Variants in SHTN1 observed in about 807,000 individuals in gnomAD.
SHTN1 encodes the protein shootin 1, also known as shootin-1.
In SHTN1, 42 loss-of-function variants were observed where a neutral mutation model predicts 83.1. The observed-to-expected ratio is 0.51, with a 90% confidence interval of 0.39 to 0.65. The LOEUF (loss-of-function observed/expected upper bound fraction) is 0.65. SHTN1 is among the 30% of genes least tolerant of loss of function. The probability of loss-of-function intolerance (pLI) is 0.00; values close to 1 mark genes in which losing one functional copy is unlikely to be tolerated. For synonymous variants in SHTN1, 224 were observed against 247.7 expected (o/e 0.90, Z 0.90); for missense variants, 622 against 737.8 (o/e 0.84, Z 1.82).
At chr10:117,103,662 C>G (rs1174338643) in intron 1 of SHTN1, among the ~76,000 whole-genome samples, 4 of 150,566 alleles carry the variant, frequency 2.7e-5, no homozygotes, top group Non-Finnish European at 4.4e-5. Flanking sequence ...CTCAGCCTCC[C>G]GAGAGCTGGG....
chr10:117,117,263 G>A lies in SHTN1; in HGVS notation c.-189+9044C>T, dbSNP rs116221069. Among the ~76,000 whole-genome samples the A allele has an allele frequency of 6.3e-3, 952 of 152,088 alleles. 11 individuals carry two copies. The highest frequency in any genetic ancestry group is 0.022 in the African/African-American group (920 of 41,514). ...ATCAATAGCATTAATATGCACCAAC[G>A]ACGAACAATCTGAAAAAGAAATCAA... On this transcript the variant is annotated intron_variant, in intron 1 of 17. Transcript: ENST00000392901.
At chr10:116,990,522 C>A (rs1257431761) in intron 1 of SHTN1, among the ~76,000 whole-genome samples, 3 of 152,072 alleles carry the variant, frequency 2.0e-5, no homozygotes, top group African/African-American at 7.2e-5. Context: ...GGAACATTCT[C>A]TTAATTGTCT....
intron 1 of SHTN1, among the ~76,000 whole-genome samples, chr10:117,087,091 G>T (rs1275208477): frequency 6.6e-6 from 1 of 152,168 alleles, no homozygotes; most frequent in Non-Finnish European, 1.5e-5. Flanking sequence ...GGTTACCAAG[G>T]TTACCAGGGT....
At chr10:116,956,487 A>G (rs1032303317) in intron 4 of SHTN1, among the ~76,000 whole-genome samples, 2 of 152,240 alleles carry the variant, frequency 1.3e-5, no homozygotes, top group African/African-American at 2.4e-5. Flanking sequence ...AGTAACTGCC[A>G]CACAGTAAAA....
intron 2 of SHTN1, among the ~76,000 whole-genome samples, chr10:117,017,984 C>T (rs1001740639): frequency 1.3e-5 from 2 of 152,098 alleles, no homozygotes; most frequent in Non-Finnish European, 2.9e-5. Context: ...ATACCTGCCC[C>T]ATAATCTTCG....
At chr10:117,068,677 C>T (rs571752677) in intron 1 of SHTN1, among the ~76,000 whole-genome samples, 2 of 151,338 alleles carry the variant, frequency 1.3e-5, no homozygotes, top group African/African-American at 4.9e-5. Flanking sequence ...TACTTAATGA[C>T]ATTAAATAAT....
At chr10:116,916,361 G>C (rs1157659524) in intron 12 of SHTN1, among the ~76,000 whole-genome samples, 1 of 152,164 alleles carries the variant, frequency 6.6e-6, no homozygotes, top group Non-Finnish European at 1.5e-5. Context: ...TCTAGGTCTT[G>C]TGTTTACTTC....
intron 8 of SHTN1, 73 bp from the exon 9 acceptor site, chr10:116,940,685 A>G (rs1463011067): frequency 4.1e-6 from 5 of 1,224,550 alleles, no homozygotes; most frequent in Admixed American, 2.7e-5. Context: ...CTTCAGCAAA[A>G]GAAAAGTACA....
chr10:116,949,257 C>A (rs1849692858), intron 6 of SHTN1, among the ~76,000 whole-genome samples: 1 of 151,950 alleles, frequency 6.6e-6, no homozygotes, highest in African/African-American at 2.4e-5. Context: ...TAACAGTATG[C>A]TAGCCATCCA....
rs986292538 is a variant in SHTN1 at position 116,883,190 on chromosome 10, C to A, written c.*3154G>T. ...TCACCTATCCTCGAGACTGCACTCA[C>A]CAATGGATAATTAGCATTTTAATTT... On this transcript the variant is annotated 3_prime_UTR_variant, in exon 17 of 17. Transcript: ENST00000355371. 3 of 152,150 alleles carry A rather than the reference C, an allele frequency of 2.0e-5. No individual in the cohort carries two copies. Among genetic ancestry groups the A allele is most frequent in the Non-Finnish European group, 4.4e-5 (3 of 68,038 alleles). 9.4% of individuals were successfully genotyped at this position (152,150 alleles called of 1,614,324 possible). A position where few individuals can be genotyped will look rare whatever the true frequency, so the allele number is the denominator to read the frequency against.
At chr10:117,084,930 A>G (rs1175821417) in intron 1 of SHTN1, among the ~76,000 whole-genome samples, 2 of 151,938 alleles carry the variant, frequency 1.3e-5, no homozygotes, top group Non-Finnish European at 2.9e-5. Flanking sequence ...ACCTGCGCCC[A>G]CTGTCTGGCA....
chr10:117,012,340 A>T (rs1462162603), intron 2 of SHTN1, among the ~76,000 whole-genome samples: 2 of 152,116 alleles, frequency 1.3e-5, no homozygotes, highest in African/African-American at 4.8e-5. Context: ...AAGTTGGAGG[A>T]CTCACGCTAC....
In SHTN1 at chr10:116,960,017, T is replaced by G. The variant is rs1366875948; in HGVS notation, c.267+119A>C. 3 of 589,880 alleles carry G rather than the reference T, an allele frequency of 5.1e-6. No individual in the cohort carries two copies. In the African/African-American group the frequency reaches 5.6e-5, roughly 11 times the overall value. 36.5% of individuals were successfully genotyped at this position (589,880 alleles called of 1,614,324 possible). A position where few individuals can be genotyped will look rare whatever the true frequency, so the allele number is the denominator to read the frequency against. ...CTGAGGCCTTTTAACATTTCCCTCA[T>G]CATCAGAGTAGATAATCGATTAGAG... On this transcript the variant is annotated intron_variant, in intron 4 of 16. Transcript: ENST00000355371.
At chr10:116,913,822 GAGA>G (rs1318256890) in intron 13 of SHTN1, among the ~76,000 whole-genome samples, 4 of 152,144 alleles carry the variant, frequency 2.6e-5, no homozygotes, top group Admixed American at 1.3e-4. Context: ...CCATCTTGAA[GAGA>G]AGAAGTGTGG....
chr10:117,073,596 T>TAGCC (rs1853115573), intron 1 of SHTN1, among the ~76,000 whole-genome samples: 1 of 152,204 alleles, frequency 6.6e-6, no homozygotes, highest in African/African-American at 2.4e-5. Context: ...TTTCATTGAT[T>TAGCC]AGCCTAACAT....
rs117804228 is a variant in SHTN1, at chr10:116,885,977, C to G, written c.*367G>C. The G allele has an allele frequency of 1.0e-5, 2 of 200,938 alleles. No individual in the cohort carries two copies. Among genetic ancestry groups the G allele is most frequent in the Non-Finnish European group, 2.0e-5 (2 of 99,262 alleles). 12.4% of individuals were successfully genotyped at this position (200,938 alleles called of 1,614,324 possible). On this transcript the variant is annotated 3_prime_UTR_variant, in exon 17 of 17. Transcript: ENST00000355371. ...ATTGGGTTGATCAGTTTTGTTTATCCGATTATATACAAGCACCTCAAACTT... is the reference window on the plus strand; with the variant it reads ...ATTGGGTTGATCAGTTTTGTTTATCGGATTATATACAAGCACCTCAAACTT...
At position 116,881,846 on chromosome 10, in the gene SHTN1, T is replaced by A; in HGVS notation, c.*4498A>T. On this transcript the variant is annotated 3_prime_UTR_variant, in exon 17 of 17. Transcript: ENST00000355371. Reference sequence around the variant, plus strand: ...CATATATGATGTTTTTGCCTGAAATTCTGTGAACTTCGTTTTGCAGCCACC... The same window carrying A: ...CATATATGATGTTTTTGCCTGAAATACTGTGAACTTCGTTTTGCAGCCACC... 1 of 478,586 alleles carries A rather than the reference T, an allele frequency of 2.1e-6. No individual in the cohort carries two copies. The allele number at this position is 478,586 out of a possible 1,614,324, so 29.6% of individuals were successfully genotyped here.
intron 1 of SHTN1, among the ~76,000 whole-genome samples, chr10:117,104,135 T>C (rs1314916336): frequency 2.0e-5 from 3 of 151,588 alleles, no homozygotes; most frequent in Admixed American, 2.0e-4. Flanking sequence ...TTTAGCATGA[T>C]TTTTTTTTAC....
intron 2 of SHTN1, among the ~76,000 whole-genome samples, chr10:117,011,710 A>C (rs561488251): frequency 1.3e-5 from 2 of 152,368 alleles, no homozygotes; most frequent in Non-Finnish European, 2.9e-5. Context: ...CATTTACAAT[A>C]GCACTAAAAA....
Sources: allele counts gnomAD v4.1 joint callset (sites outside exome capture counted in the v4.1 genomes callset), GRCh38; gene constraint gnomAD v4.1.1; transcripts MANE v1.5; gene names NCBI Gene and HGNC (gene_info 2026-07-23, HGNC 2026-07-21).